The following ZNF382 variants were observed in gnomAD, a reference collection of about 807,000 sequenced individuals.
ZNF382 encodes the protein KRAB/zinc finger suppressor protein 1.
In ZNF382, 20 loss-of-function variants were observed where a neutral mutation model predicts 38.8. The observed-to-expected ratio is 0.51, with a 90% CI of 0.36 to 0.75. The LOEUF (loss-of-function observed/expected upper bound fraction) is 0.75. ZNF382 is among the 30% of genes least tolerant of loss of function. The probability of loss-of-function intolerance (pLI) is 0.00; values close to 1 mark genes in which losing one functional copy is unlikely to be tolerated. For missense variants in ZNF382, 546 were observed against 654.1 expected (o/e 0.83, Z 1.80); for synonymous variants, 202 against 223.1 (o/e 0.91, Z 0.84).
In ZNF382 at chr19:36,626,282, T is replaced by C; in HGVS notation, c.385T>C (p.Ser129Pro). The C allele has an allele frequency of 6.2e-7, 1 of 1,602,408 alleles. No individual in the cohort carries two copies. The highest frequency in any genetic ancestry group is 1.1e-5 in the South Asian group (1 of 88,092). The part of the protein sequence containing the change: ...KTFTLGKNRI[S>P]KTILCEYKPD... ...ATTTACTCTAGGCAAGAACCGTATT[T>C]CAAAAACAATACTATGTGAATATAA... is the stretch of plus-strand genomic sequence containing the variant. The change falls in exon 5 of 5, where the codon TCA becomes CCA. Residue 129 changes from serine (S) to proline (P), a missense_variant. Ser to Pro is a moderately conservative substitution (Grantham distance 74). Transcript: ENST00000292928.
rs900363400 is a variant in ZNF382 at position 36,607,554 on chromosome 19, C to A, written c.-82C>A. 3.9e-6 allele frequency: 6 copies of A among 1,524,274 alleles called. No individual in the cohort carries two copies. Among genetic ancestry groups the A allele is most frequent in the Non-Finnish European group, 5.3e-6 (6 of 1,137,280 alleles). 94.4% of individuals were successfully genotyped at this position (1,524,274 alleles called of 1,614,324 possible). A position where few individuals can be genotyped will look rare whatever the true frequency, so the allele number is the denominator to read the frequency against. On this transcript the variant is annotated splice_region_variant and 5_prime_UTR_variant, in exon 2 of 5. It adds an upstream start codon to the 5' untranslated region. Transcript: ENST00000292928. ...ATCCTCCATCTTTGCTTTCTCAGGA[C>A]TGTTTCTTTTTCCAAAAGAGGAGCT...
chr19:36,622,024 A>ATT lies in ZNF382; in HGVS notation c.233-4092_233-4091dup, dbSNP rs11379806. 6.4e-3 allele frequency among the ~76,000 whole-genome samples: 925 copies of ATT among 145,574 alleles called. 12 individuals carry two copies. Among genetic ancestry groups the ATT allele is most frequent in the East Asian group, 0.022 (107 of 4,928 alleles). ...CTCAAGACTGCCCTTAGGTTCGATA[A>ATT]TTTTTTTTTTTTTTTGAGAGATAGT... is the stretch of plus-strand genomic sequence containing the variant. On this transcript the variant is annotated intron_variant, in intron 4 of 4. Transcript: ENST00000292928.
chr19:36,619,403 T>A (rs530145050), intron 4 of ZNF382, among the ~76,000 whole-genome samples: 6 of 152,170 alleles, frequency 3.9e-5, no homozygotes, highest in Non-Finnish European at 7.3e-5. Context: ...GTTCCGATGC[T>A]TATCTTGAGT....
chr19:36,607,284 G>A (rs948800780), intron 1 of ZNF382, among the ~76,000 whole-genome samples: 6 of 152,052 alleles, frequency 3.9e-5, no homozygotes, highest in African/African-American at 7.2e-5. Flanking sequence ...GAGCTGCAGA[G>A]GGAAAAACAC....
Position 36,632,369 on chromosome 19 carries a change from T to C in ZNF382, c.*4819T>C, listed in dbSNP as rs1287757052. On this transcript the variant is annotated 3_prime_UTR_variant, in exon 5 of 5. Coordinates refer to ENST00000292928, the MANE Select transcript of ZNF382 (RefSeq NM_032825.5). ...CACAACCAGCTAGTTTTTGTGTTTT[T>C]AGTAGAGACAGGGTTTCTCCATGTT... The C allele has an allele frequency of 6.6e-6, 1 of 152,224 alleles. No individual in the cohort carries two copies. Among genetic ancestry groups the C allele is most frequent in the Non-Finnish European group, 1.5e-5 (1 of 68,060 alleles). The allele number at this position is 152,224 out of a possible 1,614,324, so 9.4% of individuals were successfully genotyped here. A position where few individuals can be genotyped will look rare whatever the true frequency, so the allele number is the denominator to read the frequency against.
chr19:36,633,042 CT>C lies in ZNF382; in HGVS notation c.*5507del, dbSNP rs34035471. 0.3 allele frequency: 42,489 copies of C among 141,260 alleles called. 5,680 individuals carry two copies. The highest frequency in any genetic ancestry group is 0.35 in the African/African-American group (13,334 of 38,460). The allele number at this position is 141,260 out of a possible 1,614,324, so 8.8% of individuals were successfully genotyped here. ...AGATATTTATCAGTTTATAATCAGG[CT>C]TTTTTTTTTTTTTTGAGACAGTGTC... On this transcript the variant is annotated 3_prime_UTR_variant, in exon 5 of 5. Transcript: ENST00000292928.
chr19:36,608,258 C>T (rs533556687), intron 2 of ZNF382, among the ~76,000 whole-genome samples: 4 of 152,314 alleles, frequency 2.6e-5, no homozygotes, highest in South Asian at 4.1e-4. Context: ...AAAGGAAACA[C>T]GTTTTATGTT....
At chr19:36,624,312 G>A (rs1022855562) in intron 4 of ZNF382, among the ~76,000 whole-genome samples, 1 of 152,142 alleles carries the variant, frequency 6.6e-6, no homozygotes, top group East Asian at 1.9e-4. Flanking sequence ...TTGTCATTGT[G>A]TATCAGCATT....
At position 36,626,442 on chromosome 19, in the gene ZNF382, C is replaced by T. The variant is rs372353328; in HGVS notation, c.545C>T (p.Ala182Val). The T allele has an allele frequency of 1.6e-5, 26 of 1,606,224 alleles. No homozygotes were observed. Among genetic ancestry groups the T allele is most frequent in the Non-Finnish European group, 2.1e-5 (25 of 1,177,694 alleles). Residue 182 changes from alanine (A) to valine (V), a missense_variant, in exon 5 of 5, where the codon GCA (alanine) becomes GTA (valine). Physicochemically the swap from Ala to Val is moderately conservative, Grantham distance 64. Coordinates refer to ENST00000292928, the MANE Select transcript of ZNF382 (RefSeq NM_032825.5). ...ACCAAGCATGAGAAAATTCATCCTG[C>T]AGTGAATCTCCATAAACAAACAGAA... is the stretch of plus-strand genomic sequence containing the variant. ...LNTKHEKIHP[A>V]VNLHKQTERV...
intron 2 of ZNF382, chr19:36,609,232 A>G (rs1451780808): frequency 6.6e-6 from 1 of 152,214 alleles, no homozygotes; most frequent in Non-Finnish European, 1.5e-5. Flanking sequence ...GTAGATTTTC[A>G]TAAATGCCTA....
At chr19:36,624,689 T>C (rs2037196087) in intron 4 of ZNF382, among the ~76,000 whole-genome samples, 1 of 151,902 alleles carries the variant, frequency 6.6e-6, no homozygotes, top group Admixed American at 6.6e-5. Context: ...ATTTGGCAAA[T>C]TTAAGGAATG....
intron 2 of ZNF382, chr19:36,608,900 C>G (rs1022098122): frequency 2.0e-5 from 3 of 152,266 alleles, no homozygotes; most frequent in Admixed American, 6.5e-5. Context: ...ACGACCATCT[C>G]TGTTGTAATG....
In ZNF382 at chr19:36,627,681, AAC is replaced by A. The variant is rs10669183; in HGVS notation, c.*159_*160del. The A allele has an allele frequency of 0.077, 38,858 of 507,074 alleles. 23 individuals carry two copies. Among genetic ancestry groups the A allele is most frequent in the East Asian group, 0.13 (3,843 of 30,246 alleles). 31.4% of individuals were successfully genotyped at this position (507,074 alleles called of 1,614,324 possible). On this transcript the variant is annotated 3_prime_UTR_variant, in exon 5 of 5. Coordinates refer to ENST00000292928, the MANE Select transcript of ZNF382 (RefSeq NM_032825.5). ...TAACCTACTGTTTGCCAGCCTGTAAAACACACACACACACACACACACACACA... is the reference window on the plus strand; with the variant it reads ...TAACCTACTGTTTGCCAGCCTGTAAAACACACACACACACACACACACACA...
At chr19:36,606,294 T>C (rs1026463576) in intron 1 of ZNF382, among the ~76,000 whole-genome samples, 11 of 150,490 alleles carry the variant, frequency 7.3e-5, no homozygotes, top group South Asian at 4.2e-4. Context: ...TAGCATTCCA[T>C]TGGGGACATG....
chr19:36,614,914 C>CGTTTCCCTTTCCCT (rs1555793084), intron 4 of ZNF382, among the ~76,000 whole-genome samples: 3 of 90,788 alleles, frequency 3.3e-5, no homozygotes, highest in Admixed American at 1.1e-4. Context: ...CTTTCCTTTC[C>CGTTTCCCTTTCCCT]TTCCCTTTCC....
At position 36,632,409 on chromosome 19, in the gene ZNF382, C is replaced by G. The variant is rs1374358866; in HGVS notation, c.*4859C>G. Reference sequence around the variant, plus strand: ...TTCTCCATGTTGGCCAGGCTGGTCTCGAAGTCCTGACCTCAGGCAATCCTC... The same window carrying G: ...TTCTCCATGTTGGCCAGGCTGGTCTGGAAGTCCTGACCTCAGGCAATCCTC... On this transcript the variant is annotated 3_prime_UTR_variant, in exon 5 of 5. Transcript: ENST00000292928. The G allele has an allele frequency of 6.6e-6, 1 of 152,206 alleles. No individual in the cohort carries two copies. The highest frequency in any genetic ancestry group is 1.5e-5 in the Non-Finnish European group (1 of 68,068). 9.4% of individuals were successfully genotyped at this position (152,206 alleles called of 1,614,324 possible). A position where few individuals can be genotyped will look rare whatever the true frequency, so the allele number is the denominator to read the frequency against.
rs777475210 is a variant in ZNF382 at position 36,623,411 on chromosome 19, G to A, written c.233-2719G>A. Among the ~76,000 whole-genome samples the A allele has an allele frequency of 7.2e-5, 11 of 152,238 alleles. No individual in the cohort carries two copies. The East Asian group carries it at 7.7e-4, about 11-fold the overall frequency. On this transcript the variant is annotated intron_variant, in intron 4 of 4. Coordinates refer to ENST00000292928, the MANE Select transcript of ZNF382 (RefSeq NM_032825.5). ...AATGATCGTGTTAAAATCTTAGGCC[G>A]TTGGAAAATATCTGGAAGTGAATGT...
rs1193854534 is a variant in ZNF382, at chr19:36,630,940, C to G, written c.*3390C>G. Reference sequence around the variant, plus strand: ...GCTAGGACTACAGGCAGGCGCCATTCCTCTCAGCTAATGTTTTTATTTTTT... The same window carrying G: ...GCTAGGACTACAGGCAGGCGCCATTGCTCTCAGCTAATGTTTTTATTTTTT... On this transcript the variant is annotated 3_prime_UTR_variant, in exon 5 of 5. Coordinates refer to ENST00000292928, the MANE Select transcript of ZNF382 (RefSeq NM_032825.5). The G allele has an allele frequency of 6.6e-6, 1 of 151,726 alleles. No individual in the cohort carries two copies. Among genetic ancestry groups the G allele is most frequent in the Admixed American group, 6.6e-5 (1 of 15,204 alleles). The allele number at this position is 151,726 out of a possible 1,614,324, so 9.4% of individuals were successfully genotyped here. A position where few individuals can be genotyped will look rare whatever the true frequency, so the allele number is the denominator to read the frequency against.
chr19:36,617,886 G>A (rs2037138105), intron 4 of ZNF382, among the ~76,000 whole-genome samples: 1 of 152,076 alleles, frequency 6.6e-6, no homozygotes, highest in Non-Finnish European at 1.5e-5. Context: ...TGGGCCCTTC[G>A]GTGGACATGC....
Sources: allele counts gnomAD v4.1 joint callset (sites outside exome capture counted in the v4.1 genomes callset), GRCh38; gene constraint gnomAD v4.1.1; transcripts MANE v1.5; gene names NCBI Gene and HGNC (gene_info 2026-07-23, HGNC 2026-07-21).